The following CUX2 variants were observed in gnomAD, a reference collection of about 807,000 sequenced individuals.
CUX2 encodes cut like homeobox 2.
Under a neutral mutation model 144.8 loss-of-function variants are expected in CUX2, and 40 were observed. That is an observed-to-expected ratio of 0.28 (90% CI 0.21 to 0.36). The LOEUF (loss-of-function observed/expected upper bound fraction) is 0.36, where lower values mean the gene tolerates loss of function less well. Ranked by LOEUF, CUX2 falls within the 10% of genes least tolerant of loss-of-function variation. CUX2 has a pLI of 1.00. For missense variants in CUX2, 1,615 were observed against 1,994.0 expected, an observed-to-expected ratio of 0.81 and a Z score of 3.62; for synonymous variants, 827 against 875.6, an observed-to-expected ratio of 0.94 and a Z score of 0.98.
chr12:111,105,296 G>C (rs1437832174), intron 1 of CUX2, among the ~76,000 whole-genome samples: 1 of 152,218 alleles, frequency 6.6e-6, no homozygotes, highest in Non-Finnish European at 1.5e-5. Context: ...AATGGGGTTT[G>C]GGGGTTTTGG....
intron 1 of CUX2, among the ~76,000 whole-genome samples, chr12:111,062,160 GAAT>G (rs1870807207): frequency 1.3e-5 from 2 of 152,196 alleles, no homozygotes; most frequent in Admixed American, 6.5e-5. Context: ...CTTGCGGAAT[GAAT>G]GTGGGTGGCA....
intron 1 of CUX2, among the ~76,000 whole-genome samples, chr12:111,055,726 C>T (rs918189063): frequency 4.6e-5 from 7 of 152,314 alleles, no homozygotes; most frequent in South Asian, 2.1e-4. Flanking sequence ...CATCGGCGCA[C>T]GTTTCCTGTC....
intron 1 of CUX2, among the ~76,000 whole-genome samples, chr12:111,177,244 G>T (rs2136175389): frequency 6.6e-6 from 1 of 152,262 alleles, no homozygotes; most frequent in Non-Finnish European, 1.5e-5. Flanking sequence ...AAACCTTGTT[G>T]AGAGCCTGAG....
chr12:111,329,825 T>TG, intron 18 of CUX2, among the ~76,000 whole-genome samples: 1 of 152,164 alleles, frequency 6.6e-6, no homozygotes, highest in African/African-American at 2.4e-5. Context: ...TTAGTAGAGA[T>TG]GGGGTTTCAC....
At position 111,334,760 on chromosome 12, in the gene CUX2, C is replaced by T. The variant is rs185540092; in HGVS notation, c.3196+50C>T. The T allele has an allele frequency of 1.8e-5, 28 of 1,533,414 alleles. No homozygotes were observed. The East Asian group carries it at 6.1e-4, about 34-fold the overall frequency. 95.0% of individuals were successfully genotyped at this position (1,533,414 alleles called of 1,614,324 possible). A position where few individuals can be genotyped will look rare whatever the true frequency, so the allele number is the denominator to read the frequency against. Reference sequence around the variant, plus strand: ...AGGCTGCCTCCCACCTGGGTTGGCTCCTACTTGCCTTGAAAAGGTGTCTGG... The same window carrying T: ...AGGCTGCCTCCCACCTGGGTTGGCTTCTACTTGCCTTGAAAAGGTGTCTGG... On this transcript the variant is annotated intron_variant, in intron 19 of 21. Coordinates refer to ENST00000261726, the MANE Select transcript of CUX2 (RefSeq NM_015267.4).
At chr12:111,197,271 G>C (rs903609747) in intron 1 of CUX2, among the ~76,000 whole-genome samples, 1 of 152,182 alleles carries the variant, frequency 6.6e-6, no homozygotes, top group African/African-American at 2.4e-5. Context: ...AGTCAGTGTG[G>C]GAAAGGATCA....
In CUX2 at chr12:111,350,548, A is replaced by C. The variant is rs1889008332; in HGVS notation, c.*2223A>C. Reference sequence around the variant, plus strand: ...AACGAGTCGCTAAATACAGAATTGTATAATAATTCTGGGTGTCTTGCTTCT... The same window carrying C: ...AACGAGTCGCTAAATACAGAATTGTCTAATAATTCTGGGTGTCTTGCTTCT... On this transcript the variant is annotated 3_prime_UTR_variant, in exon 22 of 22. Coordinates refer to ENST00000261726, the MANE Select transcript of CUX2 (RefSeq NM_015267.4). 6.6e-6 allele frequency: 1 copy of C among 152,590 alleles called. No individual in the cohort carries two copies. Among genetic ancestry groups the C allele is most frequent in the South Asian group, 2.1e-4 (1 of 4,828 alleles). The allele number at this position is 152,590 out of a possible 1,614,324, so 9.5% of individuals were successfully genotyped here. A position where few individuals can be genotyped will look rare whatever the true frequency, so the allele number is the denominator to read the frequency against.
In CUX2 at chr12:111,307,646, G is replaced by A. The variant is rs1315001756; in HGVS notation, c.1109+389G>A. Among the ~76,000 whole-genome samples the A allele has an allele frequency of 6.6e-6, 1 of 152,200 alleles. No individual in the cohort carries two copies. Among genetic ancestry groups the A allele is most frequent in the Non-Finnish European group, 1.5e-5 (1 of 68,030 alleles). On this transcript the variant is annotated intron_variant, in intron 12 of 21. Transcript: ENST00000261726. The surrounding 1 kb of genome is among the most constrained non-coding windows in gnomAD (Gnocchi z 4.1). ...TGAGAGGTCAAGGCTGCAGTGAGCT[G>A]TGGTGGCACCACTGCACTCCAGCCT...
chr12:111,179,801 C>T (rs1360550299), intron 1 of CUX2, among the ~76,000 whole-genome samples: 2 of 151,998 alleles, frequency 1.3e-5, no homozygotes, highest in South Asian at 2.1e-4. Flanking sequence ...CTCAGCCTCC[C>T]GAGTAGCTGG....
chr12:111,265,535 G>A (rs1884343475), intron 4 of CUX2, among the ~76,000 whole-genome samples: 2 of 151,676 alleles, frequency 1.3e-5, no homozygotes, highest in Non-Finnish European at 2.9e-5. Context: ...TAGAGACAGG[G>A]TTGCCCTATG....
intron 1 of CUX2, among the ~76,000 whole-genome samples, chr12:111,055,635 T>G (rs1870483060): frequency 6.6e-6 from 1 of 152,256 alleles, no homozygotes; most frequent in African/African-American, 2.4e-5. Context: ...GCCTCCCGCC[T>G]GGCCCCCAAG....
At chr12:111,100,768 C>T (rs946459714) in intron 1 of CUX2, among the ~76,000 whole-genome samples, 35 of 152,206 alleles carry the variant, frequency 2.3e-4, no homozygotes, top group Admixed American at 1.3e-4. Context: ...GAGCAGTGCT[C>T]ATGTGCTGGA....
intron 1 of CUX2, among the ~76,000 whole-genome samples, chr12:111,173,156 G>A (rs1383153091): frequency 6.6e-6 from 1 of 152,214 alleles, no homozygotes; most frequent in Non-Finnish European, 1.5e-5. Context: ...GGATGTTCAG[G>A]CTTAGACCCT....
chr12:111,256,693 C>T (rs555663494), intron 3 of CUX2, among the ~76,000 whole-genome samples: 61 of 152,118 alleles, frequency 4.0e-4, no homozygotes, highest in African/African-American at 1.4e-3. Flanking sequence ...ACCTGGGCAC[C>T]GATACCACCT....
intron 4 of CUX2, among the ~76,000 whole-genome samples, chr12:111,265,324 A>ATTTTATTTTAT (rs1413225830): frequency 8.2e-6 from 1 of 121,624 alleles, no homozygotes; most frequent in Non-Finnish European, 1.8e-5. Flanking sequence ...ATTTTATTTT[A>ATTTTATTTTAT]TTTTATTTTA....
chr12:111,294,238 G>T (rs1885847011), intron 6 of CUX2, among the ~76,000 whole-genome samples: 2 of 152,162 alleles, frequency 1.3e-5, no homozygotes, highest in Admixed American at 1.3e-4. Flanking sequence ...CTCCCGAGTA[G>T]CTGGGATTAC....
intron 1 of CUX2, among the ~76,000 whole-genome samples, chr12:111,149,930 G>A (rs530727957): frequency 6.6e-6 from 1 of 152,292 alleles, no homozygotes; most frequent in East Asian, 1.9e-4. Flanking sequence ...GTCTGGGTAA[G>A]TGCACAGTCT....
At chr12:111,270,449 G>A (rs542404822) in intron 4 of CUX2, 18 of 151,920 alleles carry the variant, frequency 1.2e-4, no homozygotes, top group Admixed American at 3.3e-4. Context: ...CAGATGTGGC[G>A]TGAAGTGAGA....
rs534269721 is a variant in CUX2 at position 111,276,924 on chromosome 12, G to A, written c.301+13085G>A. Among the ~76,000 whole-genome samples the A allele has an allele frequency of 2.0e-5, 3 of 152,326 alleles. No homozygotes were observed. In the South Asian group the frequency reaches 6.2e-4, roughly 32 times the overall value. On this transcript the variant is annotated intron_variant, in intron 4 of 21. Transcript: ENST00000261726. ...GGCCTCCCAAAGTGCTGGGATTACA[G>A]GCGTGAGCCACCGCACCCGGCCAGT...
Sources: allele counts gnomAD v4.1 joint callset (sites outside exome capture counted in the v4.1 genomes callset), GRCh38; gene constraint gnomAD v4.1.1; non-coding constraint Gnocchi (gnomAD v3.1); transcripts MANE v1.5; gene names NCBI Gene and HGNC (gene_info 2026-07-23, HGNC 2026-07-21).